TPM2: variants seen among roughly 807,000 people sequenced by gnomAD.
TPM2 encodes tropomyosin beta chain.
Under a neutral mutation model 41.0 loss-of-function variants are expected in TPM2, and 26 were observed. The observed-to-expected ratio is 0.63, with a 90% confidence interval of 0.46 to 0.88. The LOEUF (loss-of-function observed/expected upper bound fraction) is 0.88, where lower values mean the gene tolerates loss of function less well. Among genes scored for constraint, TPM2 ranks in the 40% least tolerant of loss-of-function variants. TPM2 has a pLI of 0.00. For missense variants in TPM2, 187 were observed against 355.2 expected (o/e 0.53, Z 3.81); for synonymous variants, 143 against 139.3 (o/e 1.03, Z -0.19).
chr9:35,689,043 G>C, intron 2 of TPM2, 103 bp downstream of exon 2: 1 of 1,349,112 alleles, frequency 7.4e-7, no homozygotes, highest in Non-Finnish European at 1.1e-6. Flanking sequence ...CCTGGCGCTG[G>C]GGACATAAGG....
rs1824874540 is a variant in TPM2 at position 35,685,842 on chromosome 9, C to T, written c.241-62G>A. 3 of 1,612,218 alleles carry T rather than the reference C, an allele frequency of 1.9e-6. No homozygotes were observed. The highest frequency in any genetic ancestry group is 2.5e-6 in the Non-Finnish European group (3 of 1,179,538). On this transcript the variant is annotated intron_variant, in intron 2 of 8. Transcript: ENST00000645482. This position sits in a 1 kb window ranked among gnomAD's most constrained non-coding sequence, Gnocchi z 5.0. ...TAGCCTTGGATAAGGATCAGAGAGG[C>T]TCCAGAGGATGGCGAGATTCTTCTC...
chr9:35,689,591 C>T (rs1308150892), intron 1 of TPM2, 113 bp downstream of exon 1: 25 of 1,577,864 alleles, frequency 1.6e-5, no homozygotes, highest in Non-Finnish European at 1.7e-5. Flanking sequence ...CCAGCCCCCA[C>T]CCTGGGTGAG....
chr9:35,684,352 A>G, intron 7 of TPM2, 37 bp from the exon 8 acceptor site: 1 of 1,613,220 alleles, frequency 6.2e-7, no homozygotes, highest in African/African-American at 1.3e-5. Context: ...ATGGCAAAGA[A>G]TTAGGCCCTC....
chr9:35,689,342 T>G, intron 1 of TPM2, 71 bp from the exon 2 acceptor site: 1 of 1,596,464 alleles, frequency 6.3e-7, no homozygotes, highest in Non-Finnish European at 8.5e-7. Flanking sequence ...GCGGTGTGTG[T>G]AGGGGCGCTA....
downstream of TPM2, chr9:35,682,207 G>C (rs777907770): frequency 3.1e-6 from 5 of 1,596,064 alleles, no homozygotes; most frequent in Non-Finnish European, 4.3e-6. Flanking sequence ...AGACACAAGG[G>C]GGAGACGTGG....
intron 8 of TPM2, among the ~76,000 whole-genome samples, chr9:35,683,702 T>C (rs1045232240): frequency 3.3e-5 from 5 of 152,240 alleles, no homozygotes; most frequent in South Asian, 2.1e-4. Context: ...TCATTAACAA[T>C]AGAAATAGCC....
intron 2 of TPM2, among the ~76,000 whole-genome samples, chr9:35,687,334 T>C (rs1232660946): frequency 6.6e-6 from 1 of 152,074 alleles, no homozygotes; most frequent in East Asian, 1.9e-4. Flanking sequence ...CAGAAAGCAC[T>C]GAGTACATTG....
chr9:35,682,605 C>G, downstream of TPM2: 1 of 1,281,320 alleles, frequency 7.8e-7, no homozygotes, highest in Admixed American at 2.5e-5. Context: ...AACCTTCTTG[C>G]CCCTGTCCTG....
At chr9:35,689,055 G>A (rs952500308) in intron 2 of TPM2, 91 bp downstream of exon 2, 1 of 1,474,500 alleles carries the variant, frequency 6.8e-7, no homozygotes, top group African/African-American at 1.4e-5. Context: ...GACATAAGGG[G>A]ATAAGGTGCC....
chr9:35,689,100 T>G lies in TPM2; in HGVS notation c.240+46A>C, dbSNP rs765862128. On this transcript the variant is annotated intron_variant, in intron 2 of 8. Coordinates refer to ENST00000645482, the MANE Select transcript of TPM2 (RefSeq NM_003289.4). ...TTATTCCCATACCCGGGGGGCCCCT[T>G]CCCAGAGCCCTAACTCCTCCCATTG... 6.2e-6 allele frequency: 10 copies of G among 1,612,832 alleles called. No homozygotes were observed. In the African/African-American group the frequency reaches 1.3e-4, roughly 22 times the overall value.
downstream of TPM2, chr9:35,682,851 G>A (rs1228149330): frequency 2.8e-6 from 4 of 1,430,284 alleles, no homozygotes; most frequent in East Asian, 3.3e-5. Flanking sequence ...GTGTCAGTAA[G>A]TGCCAGGGTG....
chr9:35,686,998 C>T (rs546985201), intron 2 of TPM2, among the ~76,000 whole-genome samples: 1 of 152,352 alleles, frequency 6.6e-6, no homozygotes, highest in African/African-American at 2.4e-5. Flanking sequence ...TGTCTTTGAG[C>T]CACGGCTCAG....
intron 8 of TPM2, 109 bp from the exon 9 acceptor site, chr9:35,683,350 C>T: frequency 1.8e-6 from 2 of 1,123,382 alleles, no homozygotes; most frequent in Non-Finnish European, 2.6e-6. Flanking sequence ...ATCAGAGGTA[C>T]ACAAAGACAG....
At chr9:35,682,200 C>T, downstream of TPM2, 1 of 1,609,388 alleles carries the variant, frequency 6.2e-7, no homozygotes, top group Non-Finnish European at 8.5e-7. Context: ...AGAAGGGAGA[C>T]ACAAGGGGGA....
rs528152834 is a variant in TPM2, at chr9:35,684,998, T to C, written c.564-191A>G. On this transcript the variant is annotated intron_variant, in intron 5 of 8. Transcript: ENST00000645482. Reference sequence around the variant, plus strand: ...GCTGAGAAAGAGCAGCCTGCGGTGCTGAGACGGAGGGAAGGTGAGCTGAGA... The same window carrying C: ...GCTGAGAAAGAGCAGCCTGCGGTGCCGAGACGGAGGGAAGGTGAGCTGAGA... 8.1e-6 allele frequency: 13 copies of C among 1,614,076 alleles called. No individual in the cohort carries two copies. The East Asian group carries it at 2.9e-4, about 36-fold the overall frequency.
intron 2 of TPM2, among the ~76,000 whole-genome samples, chr9:35,686,052 A>G (rs1029361752): frequency 6.6e-6 from 1 of 152,260 alleles, no homozygotes; most frequent in Non-Finnish European, 1.5e-5. Flanking sequence ...GGAGTTTGAG[A>G]GCAGCCTGGC....
chr9:35,689,088 C>T (rs1587965710), intron 2 of TPM2, 58 bp downstream of exon 2: 8 of 1,606,094 alleles, frequency 5.0e-6, no homozygotes, highest in Admixed American at 1.7e-5. Flanking sequence ...TTCCCATACC[C>T]GGGGGGCCCC....
In TPM2 at chr9:35,685,033, A is replaced by G. The variant is rs1435812186; in HGVS notation, c.564-226T>C. The G allele has an allele frequency of 1.2e-6, 2 of 1,614,162 alleles. No homozygotes were observed. Among genetic ancestry groups the G allele is most frequent in the East Asian group, 2.2e-5 (1 of 44,884 alleles). On this transcript the variant is annotated intron_variant, in intron 5 of 8. Transcript: ENST00000645482. The surrounding 1 kb of genome is among the most constrained non-coding windows in gnomAD (Gnocchi z 5.0). ...GGAAGGTGAGCTGAGAGAAGGCGCC[A>G]TTGCCCAGAAAGGTTCAGAGGGGTC...
Position 35,685,093 on chromosome 9 carries a change from G to C in TPM2, c.563+176C>G. 1.9e-6 allele frequency: 3 copies of C among 1,614,194 alleles called. No individual in the cohort carries two copies. The highest frequency in any genetic ancestry group is 2.5e-6 in the Non-Finnish European group (3 of 1,180,030). ...TCCTCTGAGGCCATCAGGGACTTGA[G>C]GGCCTGGTCCATGGTTCGAAGTTCC... On this transcript the variant is annotated intron_variant, in intron 5 of 8. Transcript: ENST00000645482. The surrounding 1 kb of genome is among the most constrained non-coding windows in gnomAD (Gnocchi z 5.0).
Sources: allele counts gnomAD v4.1 joint callset (sites outside exome capture counted in the v4.1 genomes callset), GRCh38; gene constraint gnomAD v4.1.1; non-coding constraint Gnocchi (gnomAD v3.1); transcripts MANE v1.5; gene names NCBI Gene and HGNC (gene_info 2026-07-23, HGNC 2026-07-21).